Variants in KCNG2 observed in about 807,000 individuals in gnomAD.
KCNG2 encodes potassium voltage-gated channel modifier subfamily G member 2.
Under a neutral mutation model 12.3 loss-of-function variants are expected in KCNG2, and 7 were observed. The ratio of observed to expected loss-of-function variants is 0.57; its 90% CI spans 0.32 to 1.07. The LOEUF is 1.07. Among genes scored for constraint, KCNG2 ranks in the 50% least tolerant of loss-of-function variants. KCNG2 has a pLI of 0.04. For synonymous variants in KCNG2, 414 were observed against 351.4 expected (o/e 1.18, Z -1.99); for missense variants, 703 against 726.0 (o/e 0.97, Z 0.36).
chr18:79,854,668 G>A (rs1978947876), intron 1 of KCNG2, among the ~76,000 whole-genome samples: 1 of 151,972 alleles, frequency 6.6e-6, no homozygotes, highest in Non-Finnish European at 1.5e-5. Flanking sequence ...TGGGACTACA[G>A]GTGCCCACCA....
At chr18:79,818,786 C>T (rs886969336) in intron 1 of KCNG2, among the ~76,000 whole-genome samples, 3 of 152,146 alleles carry the variant, frequency 2.0e-5, no homozygotes, top group Non-Finnish European at 2.9e-5. Context: ...CAGGGTGCTC[C>T]GTGGGGGCTT....
At position 79,832,657 on chromosome 18, in the gene KCNG2, G is replaced by A. The variant is rs1162919597; in HGVS notation, c.-114-23722G>A. ...ACTGGGAGAGCCGTGCAGATCATTC[G>A]CCCTGATTTCCAGAGGAGACCTGGG... On this transcript the variant is annotated intron_variant, in intron 1 of 3. Transcript: ENST00000316249. 8.6e-5 allele frequency among the ~76,000 whole-genome samples: 13 copies of A among 151,914 alleles called. No homozygotes were observed. In the East Asian group the frequency reaches 9.7e-4, roughly 11 times the overall value.
At position 79,858,716 on chromosome 18, in the gene KCNG2, C is replaced by G. The variant is rs116503450; in HGVS notation, c.-41+2264C>G. ...TACAGGGGTCCAATTTTTCCACATC[C>G]TTTCCAACACTTGTTGGGTTTTTTT... is the stretch of plus-strand genomic sequence containing the variant. On this transcript the variant is annotated intron_variant, in intron 2 of 3. Transcript: ENST00000316249. 2.7e-3 allele frequency among the ~76,000 whole-genome samples: 404 copies of G among 152,090 alleles called. 3 individuals carry two copies. Among genetic ancestry groups the G allele is most frequent in the African/African-American group, 8.9e-3 (369 of 41,440 alleles).
intron 1 of KCNG2, among the ~76,000 whole-genome samples, chr18:79,798,921 G>A (rs2087386043): frequency 6.6e-6 from 1 of 152,206 alleles, no homozygotes; most frequent in Admixed American, 6.5e-5. Flanking sequence ...GTGACCGGTG[G>A]AGCCCCCGCC....
intron 3 of KCNG2, among the ~76,000 whole-genome samples, chr18:79,877,633 G>A (rs111878996): frequency 2.4e-4 from 37 of 151,830 alleles, no homozygotes; most frequent in African/African-American, 7.5e-4. Flanking sequence ...GGCTGAAGCC[G>A]CAGAATCTTC....
chr18:79,860,648 C>T (rs1368096673), intron 2 of KCNG2, among the ~76,000 whole-genome samples: 3 of 142,646 alleles, frequency 2.1e-5, no homozygotes, highest in Non-Finnish European at 4.6e-5. Flanking sequence ...CTTTGCTGAA[C>T]CCATTCTCAT....
At chr18:79,865,418 AAGGTCTGGGTGCTGAGAGGTCTGGGTATG>A (rs1979448456) in intron 3 of KCNG2, among the ~76,000 whole-genome samples, 6 of 51,328 alleles carry the variant, frequency 1.2e-4, no homozygotes, top group African/African-American at 4.1e-4. Flanking sequence ...TGGGTGCTGA[AAGGTCTGGGTGCTGAGAGGTCTGGGTATG>A]AGGTCTGGGT....
chr18:79,899,306 C>A lies in KCNG2; in HGVS notation c.891C>A (p.Tyr297Ter). 6.4e-7 allele frequency: 1 copy of A among 1,560,002 alleles called. No individual in the cohort carries two copies. The highest frequency in any genetic ancestry group is 1.2e-5 in the South Asian group (1 of 85,428). Reference sequence around the variant, plus strand: ...TGCTGCGTGCGCTGCGCGTGCTCTACGTGATGCGCCTGGCGCGCCACTCGC... The same window carrying A: ...TGCTGCGTGCGCTGCGCGTGCTCTAAGTGATGCGCCTGGCGCGCCACTCGC... ...LRLLRALRVL[Y>*]VMRLARHSLG... is the part of the protein sequence containing the mutation. The change falls in exon 4 of 4, where the codon TAC (tyrosine) becomes TAA (stop). Residue 297 changes from tyrosine (Y) to a stop codon, truncating the protein, a stop_gained. Coordinates refer to ENST00000316249, the MANE Select transcript of KCNG2 (RefSeq NM_012283.2). LOFTEE classifies it low-confidence loss of function (END_TRUNC).
intron 3 of KCNG2, among the ~76,000 whole-genome samples, chr18:79,891,091 A>C (rs1380217268): frequency 1.3e-5 from 2 of 151,460 alleles, no homozygotes; most frequent in African/African-American, 4.9e-5. Context: ...TCCTTCCCCC[A>C]CCTGCTTTAA....
intron 3 of KCNG2, among the ~76,000 whole-genome samples, chr18:79,887,112 TG>T (rs754960552): frequency 7.0e-6 from 1 of 143,152 alleles, no homozygotes; most frequent in African/African-American, 2.8e-5. Context: ...GACAGGGACA[TG>T]GGGGCATGAG....
At chr18:79,848,355 G>C (rs1978694568) in intron 1 of KCNG2, among the ~76,000 whole-genome samples, 1 of 152,164 alleles carries the variant, frequency 6.6e-6, no homozygotes, top group Non-Finnish European at 1.5e-5. Context: ...TACAGAGTAG[G>C]GGTCCGCAGG....
At chr18:79,881,058 C>T (rs1444657855) in intron 3 of KCNG2, among the ~76,000 whole-genome samples, 2 of 152,226 alleles carry the variant, frequency 1.3e-5, no homozygotes, top group Admixed American at 6.5e-5. Context: ...CCCAAGGATG[C>T]CTGCTCCCCA....
chr18:79,841,026 C>T (rs944102369), intron 1 of KCNG2, among the ~76,000 whole-genome samples: 1 of 152,152 alleles, frequency 6.6e-6, no homozygotes, highest in South Asian at 2.1e-4. Flanking sequence ...TCCAGCACTT[C>T]TGGAGGTTGA....
At chr18:79,828,931 CGTGT>C (rs895138831) in intron 1 of KCNG2, among the ~76,000 whole-genome samples, 1 of 120,014 alleles carries the variant, frequency 8.3e-6, no homozygotes, top group Non-Finnish European at 1.7e-5. Flanking sequence ...TCTATGTGTG[CGTGT>C]GTGTAACGTG....
chr18:79,826,079 G>A (rs983820398), intron 1 of KCNG2, among the ~76,000 whole-genome samples: 2 of 152,264 alleles, frequency 1.3e-5, no homozygotes, highest in African/African-American at 4.8e-5. Flanking sequence ...CCTGCCGGCC[G>A]CCCTGACCTT....
At chr18:79,855,243 AG>A (rs1978969520) in intron 1 of KCNG2, among the ~76,000 whole-genome samples, 1 of 152,000 alleles carries the variant, frequency 6.6e-6, no homozygotes, top group Non-Finnish European at 1.5e-5. Flanking sequence ...GAATCCCATG[AG>A]GCTTGAACTG....
chr18:79,798,521 G>A (rs928795100), intron 1 of KCNG2, among the ~76,000 whole-genome samples: 1 of 152,194 alleles, frequency 6.6e-6, no homozygotes, highest in Non-Finnish European at 1.5e-5. Context: ...TGCTCGGCGC[G>A]CTGCGCCTTT....
chr18:79,893,945 T>C (rs1441103573), intron 3 of KCNG2, among the ~76,000 whole-genome samples: 2 of 152,212 alleles, frequency 1.3e-5, no homozygotes, highest in South Asian at 2.1e-4. Flanking sequence ...CTGCTTTTGA[T>C]TGGGTTCTTC....
At chr18:79,804,707 A>G (rs985979352) in intron 1 of KCNG2, among the ~76,000 whole-genome samples, 10 of 152,244 alleles carry the variant, frequency 6.6e-5, no homozygotes, top group Non-Finnish European at 1.5e-4. Context: ...CAGTGAGCCC[A>G]CGGGAACAAG....
Sources: allele counts gnomAD v4.1 joint callset (sites outside exome capture counted in the v4.1 genomes callset), GRCh38; gene constraint gnomAD v4.1.1; transcripts MANE v1.5; gene names NCBI Gene and HGNC (gene_info 2026-07-23, HGNC 2026-07-21).